The following NAV3 variants were observed in gnomAD, a reference collection of about 807,000 sequenced individuals.
The protein encoded by NAV3 is pore membrane and/or filament interacting like protein 1.
In NAV3, 87 loss-of-function variants were observed where a neutral mutation model predicts 244.7. That is an observed-to-expected ratio of 0.36 (90% CI 0.30 to 0.42). The LOEUF (loss-of-function observed/expected upper bound fraction) is 0.42, where lower values mean the gene tolerates loss of function less well. Ranked by LOEUF, NAV3 falls within the 20% of genes least tolerant of loss-of-function variation. The pLI is 1.00. For synonymous variants in NAV3, 1,126 were observed against 1,042.2 expected, an observed-to-expected ratio of 1.08 and a Z score of -1.55; for missense variants, 2,663 against 2,893.3, an observed-to-expected ratio of 0.92 and a Z score of 1.83.
chr12:78,001,567 G>A (rs900292187), intron 7 of NAV3, among the ~76,000 whole-genome samples: 5 of 152,190 alleles, frequency 3.3e-5, no homozygotes, highest in Admixed American at 2.0e-4. Flanking sequence ...CTTTTTTAAA[G>A]TGATGTGACG....
chr12:77,621,623 G>T (rs1451517208), intron 2 of NAV3, among the ~76,000 whole-genome samples: 30 of 151,802 alleles, frequency 2.0e-4, no homozygotes, highest in Admixed American at 1.6e-3. Flanking sequence ...GTGGCAACAG[G>T]CACAAGCCAC....
At chr12:77,931,847 A>G (rs930812058) in intron 1 of NAV3, among the ~76,000 whole-genome samples, 10 of 152,018 alleles carry the variant, frequency 6.6e-5, no homozygotes, top group Non-Finnish European at 7.4e-5. Context: ...AGCCTGGGTG[A>G]CAGAGCAAGA....
intron 7 of NAV3, among the ~76,000 whole-genome samples, chr12:78,004,714 C>A (rs1210831193): frequency 1.3e-5 from 2 of 152,184 alleles, no homozygotes; most frequent in Non-Finnish European, 2.9e-5. Flanking sequence ...ATTCCAGTGC[C>A]TTCCTGATGC....
chr12:77,664,303 C>T (rs1873614994), intron 2 of NAV3, among the ~76,000 whole-genome samples: 2 of 152,118 alleles, frequency 1.3e-5, no homozygotes, highest in African/African-American at 4.8e-5. Context: ...GTTTTCTAGT[C>T]CTGCACCAAA....
intron 2 of NAV3, among the ~76,000 whole-genome samples, chr12:77,643,112 C>T (rs1872485828): frequency 6.6e-6 from 1 of 151,830 alleles, no homozygotes; most frequent in Non-Finnish European, 1.5e-5. Context: ...TCAACAAAAA[C>T]ATATTCTCAT....
chr12:77,799,110 G>A (rs112792202), intron 2 of NAV3, among the ~76,000 whole-genome samples: 67 of 152,268 alleles, frequency 4.4e-4, no homozygotes, highest in Non-Finnish European at 8.1e-4. Context: ...AACCTGAGCC[G>A]CAAGAGAGAG....
intron 2 of NAV3, among the ~76,000 whole-genome samples, chr12:77,772,020 C>T (rs1021950725): frequency 3.9e-5 from 6 of 152,122 alleles, no homozygotes; most frequent in Non-Finnish European, 8.8e-5. Flanking sequence ...CTACTAATAA[C>T]AGCTAATATT....
intron 2 of NAV3, among the ~76,000 whole-genome samples, chr12:77,773,391 A>C (rs972212456): frequency 6.6e-6 from 1 of 152,184 alleles, no homozygotes; most frequent in African/African-American, 2.4e-5. Flanking sequence ...TAATGTCCCT[A>C]TTATTTGTGA....
chr12:77,761,354 A>G (rs958465950), intron 2 of NAV3, among the ~76,000 whole-genome samples: 1 of 152,200 alleles, frequency 6.6e-6, no homozygotes, highest in Non-Finnish European at 1.5e-5. Flanking sequence ...TCCAGCCAGT[A>G]TTTTAAAGAT....
chr12:77,610,911 A>C (rs1870882581), intron 2 of NAV3, among the ~76,000 whole-genome samples: 1 of 151,918 alleles, frequency 6.6e-6, no homozygotes, highest in Non-Finnish European at 1.5e-5. Flanking sequence ...AATAGACAAG[A>C]AAATAGAGTA....
In NAV3 at chr12:77,727,057, G is replaced by A. The variant is rs148698509; in HGVS notation, c.72+154791G>A. 1.4e-3 allele frequency among the ~76,000 whole-genome samples: 211 copies of A among 152,096 alleles called. 1 individual carries two copies. Among genetic ancestry groups the A allele is most frequent in the Middle Eastern group, 0.01 (3 of 294 alleles). The stretch of plus-strand genomic sequence containing the variant: ...CTCATCATGAATGAAGATAGCAGAA[G>A]GAGACATGAGGAGGTGGGGACCATA... On this transcript the variant is annotated intron_variant, in intron 2 of 8. Transcript: ENST00000550042.
chr12:77,904,945 A>C (rs1885799151), intron 1 of NAV3, among the ~76,000 whole-genome samples: 1 of 148,076 alleles, frequency 6.8e-6, no homozygotes, highest in East Asian at 2.0e-4. Context: ...TTGAGGAAGT[A>C]TCTTATTTAA....
intron 9 of NAV3, among the ~76,000 whole-genome samples, chr12:78,041,931 T>G (rs1880933499): frequency 6.6e-6 from 1 of 152,078 alleles, no homozygotes; most frequent in Non-Finnish European, 1.5e-5. Flanking sequence ...TTTGCTTTTC[T>G]TTTTGTTCCC....
chr12:77,666,685 C>G (rs373993155), intron 2 of NAV3, among the ~76,000 whole-genome samples: 1 of 152,166 alleles, frequency 6.6e-6, no homozygotes, highest in African/African-American at 2.4e-5. Flanking sequence ...GAGATTTACA[C>G]TATCCAGATT....
chr12:78,052,540 C>T (rs183464083), intron 11 of NAV3, among the ~76,000 whole-genome samples: 23 of 152,244 alleles, frequency 1.5e-4, no homozygotes, highest in South Asian at 6.2e-4. Flanking sequence ...TTTTAGTTTG[C>T]GCAATGCTTG....
At chr12:77,832,129 C>T (rs1873816154) in intron 1 of NAV3, among the ~76,000 whole-genome samples, 1 of 152,146 alleles carries the variant, frequency 6.6e-6, no homozygotes, top group African/African-American at 2.4e-5. Context: ...CTCTAAATGT[C>T]ATTTGCATTT....
intron 2 of NAV3, among the ~76,000 whole-genome samples, chr12:77,717,732 C>G (rs1876425444): frequency 6.6e-6 from 1 of 152,008 alleles, no homozygotes. Context: ...ACAAGAATCT[C>G]AATTTTCTAC....
In NAV3 at chr12:77,940,330, C is replaced by T. The variant is rs759350804; in HGVS notation, c.255C>T (p.Asp85=). The T allele has an allele frequency of 1.9e-6, 3 of 1,613,388 alleles. No homozygotes were observed. The highest frequency in any genetic ancestry group is 2.5e-6 in the Non-Finnish European group (3 of 1,179,620). Residue 85 remains aspartate, a synonymous_variant, in exon 2 of 40, where the codon GAC becomes GAT. Coordinates refer to ENST00000397909, the MANE Select transcript of NAV3 (RefSeq NM_001024383.2). The part of the protein sequence containing the change: ...KEKEDSKIYT[D]WANHYLAKSG... ...TCTCTGTTCAACAGATTTACACTGA[C>T]TGGGCCAACCACTACCTAGCAAAAT...
At chr12:78,130,708 T>C (rs1315265634) in intron 18 of NAV3, 1 of 152,560 alleles carries the variant, frequency 6.6e-6, no homozygotes, top group Non-Finnish European at 1.5e-5. Flanking sequence ...GCCCAGCTTA[T>C]CCAACTTGGG....
Sources: allele counts gnomAD v4.1 joint callset (sites outside exome capture counted in the v4.1 genomes callset), GRCh38; gene constraint gnomAD v4.1.1; transcripts MANE v1.5; gene names NCBI Gene and HGNC (gene_info 2026-07-23, HGNC 2026-07-21).